CLEC16A: variants seen among roughly 807,000 people sequenced by gnomAD.
CLEC16A encodes the protein protein CLEC16A.
A neutral mutation model predicts 109.5 loss-of-function variants in CLEC16A; 51 were observed. The ratio of observed to expected loss-of-function variants is 0.47; its 90% CI spans 0.37 to 0.59. The LOEUF (loss-of-function observed/expected upper bound fraction) is 0.59, where lower values mean the gene tolerates loss of function less well. Among genes scored for constraint, CLEC16A ranks in the 20% least tolerant of loss-of-function variants. CLEC16A has a pLI of 0.00. For synonymous variants in CLEC16A, 673 were observed against 564.2 expected (o/e 1.19, Z -2.73); for missense variants, 1,339 against 1,394.0 (o/e 0.96, Z 0.63).
At chr16:11,022,671 G>A (rs549491355) in intron 12 of CLEC16A, among the ~76,000 whole-genome samples, 4 of 152,024 alleles carry the variant, frequency 2.6e-5, no homozygotes, top group Non-Finnish European at 5.9e-5. Flanking sequence ...AGGCCAAGGT[G>A]GGCAGATCAT....
intron 10 of CLEC16A, among the ~76,000 whole-genome samples, chr16:10,983,464 G>A (rs2043443695): frequency 6.6e-6 from 1 of 152,186 alleles, no homozygotes; most frequent in Admixed American, 6.5e-5. Flanking sequence ...GAATATGGAT[G>A]TAGGATTACT....
chr16:11,047,513 A>C, intron 17 of CLEC16A, 171 bp downstream of exon 17: 1 of 450,694 alleles, frequency 2.2e-6, no homozygotes, highest in Non-Finnish European at 3.9e-6. Flanking sequence ...CACTGTTAAA[A>C]TTTCAGACTA....
rs1056159358 is a variant in CLEC16A, at chr16:11,023,766, G to C, written c.1437-1055G>C. Among the ~76,000 whole-genome samples, 7 of 152,326 alleles carry C rather than the reference G, an allele frequency of 4.6e-5. No individual in the cohort carries two copies. The Middle Eastern group carries it at 0.014, about 296-fold the overall frequency. On this transcript the variant is annotated intron_variant, in intron 12 of 23. Coordinates refer to ENST00000409790, the MANE Select transcript of CLEC16A (RefSeq NM_015226.3). The stretch of plus-strand genomic sequence containing the variant: ...CCGTAGGCATCCAATGTTCATTGGA[G>C]CTTGGGTGTCCTTCCAGAAATTAAA...
intron 22 of CLEC16A, among the ~76,000 whole-genome samples, chr16:11,160,431 C>A (rs2054682222): frequency 6.6e-6 from 1 of 152,136 alleles, no homozygotes; most frequent in South Asian, 2.1e-4. Context: ...CCCAAAAAGT[C>A]CACTTGCACC....
chr16:11,068,627 A>T (rs1184331503), intron 19 of CLEC16A, among the ~76,000 whole-genome samples: 1 of 152,172 alleles, frequency 6.6e-6, no homozygotes, highest in Non-Finnish European at 1.5e-5. Flanking sequence ...TGGCAGTTCC[A>T]TGCTGGTGGC....
chr16:11,046,213 G>A (rs937301092), intron 16 of CLEC16A, among the ~76,000 whole-genome samples: 1 of 151,976 alleles, frequency 6.6e-6, no homozygotes, highest in Non-Finnish European at 1.5e-5. Context: ...TTTCCCAGAG[G>A]GTTATTCTTT....
intron 5 of CLEC16A, 63 bp from the exon 6 acceptor site, chr16:10,972,491 C>T (rs369458191): frequency 3.9e-6 from 6 of 1,536,610 alleles, no homozygotes; most frequent in Non-Finnish European, 5.4e-6. Flanking sequence ...GGTCCTAACC[C>T]TGTTAACTGT....
At chr16:11,017,511 A>C (rs572367496) in intron 11 of CLEC16A, among the ~76,000 whole-genome samples, 1 of 152,312 alleles carries the variant, frequency 6.6e-6, no homozygotes, top group African/African-American at 2.4e-5. Context: ...TTCAGAACCT[A>C]ATGTCCCATT....
intron 17 of CLEC16A, among the ~76,000 whole-genome samples, chr16:11,049,878 G>A (rs901250522): frequency 5.3e-5 from 8 of 152,194 alleles, no homozygotes; most frequent in African/African-American, 1.9e-4. Context: ...CGGGGTTAGA[G>A]GATTTGGAGT....
intron 22 of CLEC16A, among the ~76,000 whole-genome samples, chr16:11,137,234 T>C (rs2053611255): frequency 6.6e-6 from 1 of 152,122 alleles, no homozygotes; most frequent in African/African-American, 2.4e-5. Flanking sequence ...CAACCGCAAG[T>C]TCTCATTAAC....
chr16:11,107,278 C>T (rs902089542), intron 19 of CLEC16A, among the ~76,000 whole-genome samples: 2 of 151,834 alleles, frequency 1.3e-5, no homozygotes, highest in East Asian at 1.9e-4. Context: ...TTAGAGGGTG[C>T]GGCTTATAGG....
At chr16:11,130,451 A>C (rs2053128012) in intron 22 of CLEC16A, among the ~76,000 whole-genome samples, 1 of 152,216 alleles carries the variant, frequency 6.6e-6, no homozygotes, top group African/African-American at 2.4e-5. Context: ...TCACCAAGCG[A>C]GCAAGATGTG....
intron 13 of CLEC16A, among the ~76,000 whole-genome samples, chr16:11,039,486 G>A (rs1351266613): frequency 2.6e-5 from 4 of 152,142 alleles, no homozygotes; most frequent in Non-Finnish European, 4.4e-5. Context: ...TGCCAAGAGG[G>A]GACAGGCGCA....
rs781367273 is a variant in CLEC16A, at chr16:10,977,178, G to A, written c.729-47G>A. ...CAGGCCATTGATGTTAGGCTCAAAG[G>A]CTCCTAGTGTTGGCCTCCAGGCTGA... On this transcript the variant is annotated intron_variant, in intron 7 of 23. Transcript: ENST00000409790. 1.9e-6 allele frequency: 3 copies of A among 1,576,824 alleles called. 1 individual carries two copies. Among genetic ancestry groups the A allele is most frequent in the South Asian group, 2.3e-5 (2 of 86,312 alleles).
chr16:11,154,514 T>C (rs171593), intron 22 of CLEC16A, among the ~76,000 whole-genome samples: 106,753 of 152,178 alleles, frequency 0.7, 38,821 homozygotes, highest in African/African-American at 0.89. Flanking sequence ...ACTCCTAAAA[T>C]CTTCAGTCAT....
intron 22 of CLEC16A, among the ~76,000 whole-genome samples, chr16:11,140,106 C>G (rs1445436398): frequency 6.6e-6 from 1 of 152,206 alleles, no homozygotes; most frequent in African/African-American, 2.4e-5. Flanking sequence ...ATCTCTTGTC[C>G]TTTGTTCTTT....
chr16:11,178,989 G>T lies in CLEC16A; in HGVS notation c.*299G>T, dbSNP rs902081796. 1 of 356,538 alleles carries T rather than the reference G, an allele frequency of 2.8e-6. No homozygotes were observed. Among genetic ancestry groups the T allele is most frequent in the Non-Finnish European group, 5.0e-6 (1 of 198,600 alleles). The allele number at this position is 356,538 out of a possible 1,614,324, so 22.1% of individuals were successfully genotyped here. On this transcript the variant is annotated 3_prime_UTR_variant, in exon 24 of 24. Transcript: ENST00000409790. The surrounding 1 kb of genome is among the most constrained non-coding windows in gnomAD (Gnocchi z 6.5). ...GCTCCGTGTCTCTGAGCCCCGGGTGGCAGGACCCACCGGCACCTCTTTCTT... is the reference window on the plus strand; with the variant it reads ...GCTCCGTGTCTCTGAGCCCCGGGTGTCAGGACCCACCGGCACCTCTTTCTT...
At chr16:11,110,321 A>T (rs1001656989) in intron 19 of CLEC16A, among the ~76,000 whole-genome samples, 1 of 152,218 alleles carries the variant, frequency 6.6e-6, no homozygotes, top group African/African-American at 2.4e-5. Flanking sequence ...GGGATGCTTC[A>T]ACACAGTCAA....
intron 20 of CLEC16A, among the ~76,000 whole-genome samples, chr16:11,121,735 C>G (rs886922870): frequency 6.6e-6 from 1 of 151,508 alleles, no homozygotes; most frequent in South Asian, 2.1e-4. Context: ...CAAAAATTAG[C>G]CGGGCATGAT....
Sources: gnomAD v4.1 joint callset for allele counts (sites outside exome capture counted in the v4.1 genomes callset) on GRCh38, gnomAD v4.1.1 for gene constraint, Gnocchi (gnomAD v3.1) non-coding constraint, MANE v1.5 for transcripts, NCBI Gene and HGNC (gene_info 2026-07-23, HGNC 2026-07-21) for gene names.